Variants in CFAP20DC observed in about 807,000 individuals in gnomAD.
The protein encoded by CFAP20DC is protein CFAP20DC.
A neutral mutation model predicts 101.7 loss-of-function variants in CFAP20DC; 84 were observed. The observed-to-expected ratio is 0.83, with a 90% CI of 0.69 to 0.99. The LOEUF (loss-of-function observed/expected upper bound fraction) is 0.99. Ranked by LOEUF, CFAP20DC falls within the 50% of genes least tolerant of loss-of-function variation. The pLI is 0.00. For missense variants in CFAP20DC, 1,007 were observed against 970.3 expected (o/e 1.04, Z -0.50); for synonymous variants, 359 against 351.2 (o/e 1.02, Z -0.25).
chr3:58,931,277 A>T (rs545900125), intron 5 of CFAP20DC, among the ~76,000 whole-genome samples: 4 of 152,306 alleles, frequency 2.6e-5, no homozygotes, highest in African/African-American at 9.6e-5. Flanking sequence ...GGAAGCTCGA[A>T]CTGGGTGGAG....
intron 6 of CFAP20DC, among the ~76,000 whole-genome samples, chr3:58,903,784 C>T (rs2083361729): frequency 6.6e-6 from 1 of 152,182 alleles, no homozygotes; most frequent in South Asian, 2.1e-4. Flanking sequence ...AACTACAACT[C>T]AAGATGAGAT....
In CFAP20DC at chr3:58,993,716, G is replaced by T. The variant is rs567089150; in HGVS notation, c.278+45841C>A. The stretch of plus-strand genomic sequence containing the variant: ...TCTGTTCCTGCATTAGTTTGCCGAG[G>T]ATAATGGCTTCCAGCTACATCTGTG... On this transcript the variant is annotated intron_variant, in intron 4 of 16. Transcript: ENST00000482387. 3.2e-4 allele frequency among the ~76,000 whole-genome samples: 48 copies of T among 152,260 alleles called. No individual in the cohort carries two copies. In the South Asian group the frequency reaches 9.5e-3, roughly 30 times the overall value.
chr3:58,918,625 A>G (rs1023505443), intron 5 of CFAP20DC, among the ~76,000 whole-genome samples: 5 of 151,136 alleles, frequency 3.3e-5, no homozygotes, highest in African/African-American at 4.9e-5. Flanking sequence ...ATCAAGTCAC[A>G]CAGTCTATTT....
intron 4 of CFAP20DC, among the ~76,000 whole-genome samples, chr3:58,949,118 G>C (rs1576445742): frequency 6.6e-6 from 1 of 152,138 alleles, no homozygotes. Context: ...TTGTATTTCT[G>C]TGGGATTGGT....
chr3:58,926,821 A>G (rs2086037931), intron 5 of CFAP20DC, among the ~76,000 whole-genome samples: 1 of 152,220 alleles, frequency 6.6e-6, no homozygotes, highest in Admixed American at 6.5e-5. Context: ...GAGGTTACTA[A>G]AAGACTCTGG....
intron 4 of CFAP20DC, among the ~76,000 whole-genome samples, chr3:59,025,528 CT>C (rs1270977143): frequency 1.3e-5 from 2 of 152,128 alleles, no homozygotes; most frequent in African/African-American, 2.4e-5. Context: ...ATACTGTGCA[CT>C]TAGAATTTGG....
In CFAP20DC at chr3:58,913,759, G is replaced by C; in HGVS notation, c.499C>G (p.Arg167Gly). Residue 167 changes from arginine (R) to glycine (G), a missense_variant, in exon 6 of 17, where the codon CGG (arginine) becomes GGG (glycine). Physicochemically the swap from Arg to Gly is moderately radical, Grantham distance 125. Coordinates refer to ENST00000482387, the MANE Select transcript of CFAP20DC (RefSeq NM_001394063.1). The surrounding 1 kb of genome is among the most constrained non-coding windows in gnomAD (Gnocchi z 4.4). ...TTTGATTTTAAGGTGAAGATCTTCC[G>C]TAGCTTACAGTTAGCTGAGACAACA... Reference protein sequence around the residue: ...GIVVSANCKLRKIFTLKSKPQ... With the variant: ...GIVVSANCKLGKIFTLKSKPQ... The C allele has an allele frequency of 6.2e-7, 1 of 1,613,658 alleles. No homozygotes were observed. The highest frequency in any genetic ancestry group is 1.1e-5 in the South Asian group (1 of 91,068).
intron 3 of CFAP20DC, among the ~76,000 whole-genome samples, chr3:58,718,107 C>A (rs1413697524): frequency 6.6e-6 from 1 of 152,190 alleles, no homozygotes; most frequent in Non-Finnish European, 1.5e-5. Context: ...GGGGTCACAT[C>A]ATGTTGAACA....
At chr3:59,026,035 A>G (rs1377850800) in intron 4 of CFAP20DC, among the ~76,000 whole-genome samples, 1 of 152,084 alleles carries the variant, frequency 6.6e-6, no homozygotes, top group Non-Finnish European at 1.5e-5. Flanking sequence ...TCCACATAAA[A>G]CCTATTTTAA....
chr3:58,734,679 T>A, intron 3 of CFAP20DC: 1 of 428,360 alleles, frequency 2.3e-6, no homozygotes, highest in Non-Finnish European at 4.7e-6. Context: ...TCTAACTTGG[T>A]GATTGCCTTC....
intron 4 of CFAP20DC, among the ~76,000 whole-genome samples, chr3:58,949,386 T>G (rs370294150): frequency 6.6e-6 from 1 of 152,216 alleles, no homozygotes; most frequent in African/African-American, 2.4e-5. Context: ...ACGGTGTCAA[T>G]TTTAGATCTT....
At chr3:59,039,676 T>A in intron 3 of CFAP20DC, 47 bp from the exon 4 acceptor site, 3 of 1,192,738 alleles carry the variant, frequency 2.5e-6, no homozygotes, top group Non-Finnish European at 2.4e-6. Flanking sequence ...AGCATTTATA[T>A]GTGCATATAA....
In CFAP20DC at chr3:58,864,998, A is replaced by G. The variant is rs2079557872; in HGVS notation, c.1259-1106T>C. On this transcript the variant is annotated intron_variant, in intron 11 of 16. Coordinates refer to ENST00000482387, the MANE Select transcript of CFAP20DC (RefSeq NM_001394063.1). This position sits in a 1 kb window ranked among gnomAD's most constrained non-coding sequence, Gnocchi z 4.7. ...GCTCTATGATCCTGATGAATTGAAAAAGACAGATCTTTATAATGATATCGT... is the reference window on the plus strand; with the variant it reads ...GCTCTATGATCCTGATGAATTGAAAGAGACAGATCTTTATAATGATATCGT... Among the ~76,000 whole-genome samples the G allele has an allele frequency of 6.6e-6, 1 of 152,158 alleles. No individual in the cohort carries two copies.
intron 4 of CFAP20DC, among the ~76,000 whole-genome samples, chr3:58,955,448 C>T (rs2090542497): frequency 6.6e-6 from 1 of 152,118 alleles, no homozygotes; most frequent in South Asian, 2.1e-4. Flanking sequence ...CTCAGTGTTG[C>T]CTTTGTTATA....
chr3:58,875,929 C>G (rs1451414190), intron 7 of CFAP20DC, among the ~76,000 whole-genome samples: 1 of 151,984 alleles, frequency 6.6e-6, no homozygotes, highest in African/African-American at 2.4e-5. Flanking sequence ...TAGTGGACAC[C>G]CAGTGTCTAT....
Position 58,913,985 on chromosome 3 carries a change from A to C in CFAP20DC, c.394-121T>G, listed in dbSNP as rs1010873035. 1.3e-5 allele frequency: 13 copies of C among 1,021,320 alleles called. No individual in the cohort carries two copies. The highest frequency in any genetic ancestry group is 1.6e-5 in the African/African-American group (1 of 61,716). 63.3% of individuals were successfully genotyped at this position (1,021,320 alleles called of 1,614,324 possible). ...TATCCTGATCAACAAGCCCCAAACT[A>C]ATTTTCCTCTTTAGGTAAACTTATC... On this transcript the variant is annotated intron_variant, in intron 5 of 16. Transcript: ENST00000482387. The surrounding 1 kb of genome is among the most constrained non-coding windows in gnomAD (Gnocchi z 4.4).
At chr3:58,791,540 C>T (rs1403095356) in intron 15 of CFAP20DC, among the ~76,000 whole-genome samples, 1 of 151,970 alleles carries the variant, frequency 6.6e-6, no homozygotes, top group Admixed American at 6.6e-5. Context: ...ATAGTTTAAC[C>T]AATTTTTAAC....
At chr3:58,843,345 C>T (rs900061979) in intron 13 of CFAP20DC, among the ~76,000 whole-genome samples, 1 of 151,950 alleles carries the variant, frequency 6.6e-6, no homozygotes, top group African/African-American at 2.4e-5. Context: ...AAAACCAAGG[C>T]TCGAGAACTA....
intron 3 of CFAP20DC, 84 bp downstream of exon 3, chr3:59,046,145 C>CATACT: frequency 1.1e-6 from 1 of 908,782 alleles, no homozygotes; most frequent in Non-Finnish European, 1.7e-6. Context: ...CAGTAGAAGT[C>CATACT]ATACTAATGT....
Sources: allele counts gnomAD v4.1 joint callset (sites outside exome capture counted in the v4.1 genomes callset), GRCh38; gene constraint gnomAD v4.1.1; non-coding constraint Gnocchi (gnomAD v3.1); transcripts MANE v1.5; gene names NCBI Gene and HGNC (gene_info 2026-07-23, HGNC 2026-07-21).